Variants in MAPK10 observed in about 807,000 individuals in gnomAD.
MAPK10 encodes the protein JNK3 alpha protein kinase.
Under a neutral mutation model 59.3 loss-of-function variants are expected in MAPK10, and 25 were observed. That is an observed-to-expected ratio of 0.42 (90% CI 0.31 to 0.59). The LOEUF is 0.59. Among genes scored for constraint, MAPK10 ranks in the 20% least tolerant of loss-of-function variants. The pLI is 0.15. For synonymous variants in MAPK10, 190 were observed against 200.5 expected (o/e 0.95, Z 0.44); for missense variants, 351 against 568.9 (o/e 0.62, Z 3.90).
At chr4:86,352,321 A>G (rs1578757423) in intron 2 of MAPK10, 1 of 152,306 alleles carries the variant, frequency 6.6e-6, no homozygotes, top group East Asian at 1.9e-4. Context: ...TTCAACAACA[A>G]TAGACTAGAT....
chr4:86,559,689 TC>T (rs910397784), intron 1 of MAPK10, among the ~76,000 whole-genome samples: 30 of 152,164 alleles, frequency 2.0e-4, no homozygotes, highest in African/African-American at 7.0e-4. Context: ...TCCCAGCACT[TC>T]GGGAGGCCAA....
rs141814168 is a variant in MAPK10, at chr4:86,386,113, C to T, written c.-121-31469G>A. 3.9e-3 allele frequency among the ~76,000 whole-genome samples: 600 copies of T among 152,328 alleles called. 3 individuals are homozygous for T. The highest frequency in any genetic ancestry group is 0.014 in the African/African-American group (570 of 41,562). On this transcript the variant is annotated intron_variant, in intron 1 of 13. Coordinates refer to the MAPK10 transcript ENST00000361569. ...GTGTTTAAAATGTGCCTTCTCCCAC[C>T]TGATTACGAACTCCATTCGGAGGGA...
chr4:86,314,863 T>C (rs2095746895), intron 2 of MAPK10, among the ~76,000 whole-genome samples: 1 of 152,166 alleles, frequency 6.6e-6, no homozygotes, highest in Non-Finnish European at 1.5e-5. Flanking sequence ...ATCTTCTATT[T>C]CTTTCCTCTT....
At position 86,557,305 on chromosome 4, in the gene MAPK10, C is replaced by T. The variant is rs571619258; in HGVS notation, c.-263+36605G>A. 2.6e-4 allele frequency among the ~76,000 whole-genome samples: 39 copies of T among 152,084 alleles called. 1 individual carries two copies. Among genetic ancestry groups the T allele is most frequent in the African/African-American group, 8.9e-4 (37 of 41,510 alleles). ...GTAAGATATAATAAAATAACAACCTCCCAAGTTATGTTATTATAGAGTACT... is the reference window on the plus strand; with the variant it reads ...GTAAGATATAATAAAATAACAACCTTCCAAGTTATGTTATTATAGAGTACT... On this transcript the variant is annotated intron_variant, in intron 1 of 4. Coordinates refer to the MAPK10 transcript ENST00000502302.
chr4:86,111,035 T>C (rs1026919975), intron 4 of MAPK10, among the ~76,000 whole-genome samples: 1 of 152,132 alleles, frequency 6.6e-6, no homozygotes, highest in Non-Finnish European at 1.5e-5. Context: ...TGCTTATCTA[T>C]TGGTGTATAG....
intron 11 of MAPK10, among the ~76,000 whole-genome samples, chr4:86,048,644 C>T (rs766957105): frequency 6.6e-6 from 1 of 151,990 alleles, no homozygotes; most frequent in Non-Finnish European, 1.5e-5. Context: ...ATCCTGGAGA[C>T]CACAGAAAAC....
chr4:86,406,372 T>C (rs1259327603), intron 1 of MAPK10, among the ~76,000 whole-genome samples: 2 of 152,140 alleles, frequency 1.3e-5, no homozygotes, highest in Non-Finnish European at 2.9e-5. Context: ...ATGATATAGT[T>C]AGAAAAACAG....
intron 1 of MAPK10, among the ~76,000 whole-genome samples, chr4:86,478,373 C>G (rs1020150910): frequency 6.6e-6 from 1 of 152,178 alleles, no homozygotes; most frequent in Non-Finnish European, 1.5e-5. Context: ...ACCGGGACTA[C>G]GCCCTGTAAC....
At chr4:86,346,328 T>C (rs1728170013) in intron 2 of MAPK10, among the ~76,000 whole-genome samples, 1 of 152,210 alleles carries the variant, frequency 6.6e-6, no homozygotes, top group Non-Finnish European at 1.5e-5. Context: ...CTGCATATAA[T>C]TTACACACAT....
At chr4:86,497,569 T>C (rs1754964727) in intron 1 of MAPK10, among the ~76,000 whole-genome samples, 1 of 152,156 alleles carries the variant, frequency 6.6e-6, no homozygotes, top group Non-Finnish European at 1.5e-5. Context: ...ACAGACATCT[T>C]TCCCAGCTGG....
At chr4:86,561,015 T>A (rs1760636064) in intron 1 of MAPK10, among the ~76,000 whole-genome samples, 2 of 152,222 alleles carry the variant, frequency 1.3e-5, no homozygotes, top group Non-Finnish European at 2.9e-5. Context: ...AGGGACCAGT[T>A]TTGTGGAAAA....
At chr4:86,444,925 G>A (rs1403934359) in intron 1 of MAPK10, among the ~76,000 whole-genome samples, 1 of 152,154 alleles carries the variant, frequency 6.6e-6, no homozygotes, top group African/African-American at 2.4e-5. Context: ...AACAACACAT[G>A]CTGGCAAGGC....
chr4:86,139,250 G>A (rs1320888596), intron 4 of MAPK10, among the ~76,000 whole-genome samples: 3 of 148,514 alleles, frequency 2.0e-5, no homozygotes, highest in Non-Finnish European at 4.4e-5. Flanking sequence ...AAAGAACAAA[G>A]CTGGAGGCAT....
At chr4:86,300,966 G>A (rs751491701) in intron 2 of MAPK10, 5 of 151,744 alleles carry the variant, frequency 3.3e-5, no homozygotes, top group Non-Finnish European at 5.9e-5. Flanking sequence ...GATAAGGAAG[G>A]CATAGGGTGT....
intron 2 of MAPK10, among the ~76,000 whole-genome samples, chr4:86,347,786 T>C (rs1188402391): frequency 6.6e-6 from 1 of 152,116 alleles, no homozygotes; most frequent in Non-Finnish European, 1.5e-5. Flanking sequence ...CTAATCCCAA[T>C]CACCTCTGTT....
intron 1 of MAPK10, among the ~76,000 whole-genome samples, chr4:86,470,023 T>G (rs1220651571): frequency 6.6e-6 from 1 of 152,250 alleles, no homozygotes; most frequent in Non-Finnish European, 1.5e-5. Context: ...GATAGCTGAT[T>G]TAAGATTTAA....
At chr4:86,521,586 T>C (rs1757114037) in intron 1 of MAPK10, among the ~76,000 whole-genome samples, 2 of 152,048 alleles carry the variant, frequency 1.3e-5, no homozygotes, top group Non-Finnish European at 2.9e-5. Context: ...AGGGGAAAGC[T>C]AGCAGTGACA....
chr4:86,226,958 T>C (rs1274150274), intron 2 of MAPK10, among the ~76,000 whole-genome samples: 1 of 152,224 alleles, frequency 6.6e-6, no homozygotes, highest in African/African-American at 2.4e-5. Context: ...CTTCACTTGG[T>C]AACATATTTT....
At chr4:86,260,489 A>G (rs1419174378) in intron 2 of MAPK10, among the ~76,000 whole-genome samples, 1 of 152,088 alleles carries the variant, frequency 6.6e-6, no homozygotes, top group Non-Finnish European at 1.5e-5. Flanking sequence ...AATTTCATCT[A>G]TGAGTCTTAA....
Sources: gnomAD v4.1 joint callset for allele counts (sites outside exome capture counted in the v4.1 genomes callset) on GRCh38, gnomAD v4.1.1 for gene constraint, MANE v1.5 for transcripts, NCBI Gene and HGNC (gene_info 2026-07-23, HGNC 2026-07-21) for gene names.